HAL: variants seen among roughly 807,000 people sequenced by gnomAD.
HAL encodes histidase.
In HAL, 85 loss-of-function variants were observed where a neutral mutation model predicts 81.1. That is an observed-to-expected ratio of 1.05 (90% confidence interval 0.88 to 1.25). The LOEUF (loss-of-function observed/expected upper bound fraction) is 1.25. HAL is among the 50% of genes most tolerant of loss of function. The pLI, the probability that HAL is intolerant of heterozygous loss-of-function variation, is 0.00. For missense variants in HAL, 798 were observed against 836.6 expected, an observed-to-expected ratio of 0.95 and a Z score of 0.57; for synonymous variants, 301 against 309.2, an observed-to-expected ratio of 0.97 and a Z score of 0.28.
intron 18 of HAL, among the ~76,000 whole-genome samples, chr12:95,976,963 A>G (rs73214395): frequency 0.22 from 33,082 of 152,120 alleles, 4,066 homozygotes; most frequent in South Asian, 0.33. Context: ...ACACCTACCC[A>G]GGAAGCTGCC....
At chr12:95,980,335 T>A (rs1308101793) in intron 17 of HAL, among the ~76,000 whole-genome samples, 26 of 152,254 alleles carry the variant, frequency 1.7e-4, no homozygotes, top group Non-Finnish European at 2.9e-5. Flanking sequence ...CTTATTATTG[T>A]ATTATTATAT....
chr12:95,994,782 G>A lies in HAL; in HGVS notation c.336+16C>T, dbSNP rs747390955. On this transcript the variant is annotated intron_variant, in intron 4 of 20. Transcript: ENST00000261208. ...CCTTAATTTTCTGAAGAAAAAGAAA[G>A]TGGTTTGAAGCTTACCTTTTCAGGC... 6.2e-7 allele frequency: 1 copy of A among 1,612,650 alleles called. No individual in the cohort carries two copies. The highest frequency in any genetic ancestry group is 8.5e-7 in the Non-Finnish European group (1 of 1,178,642).
At chr12:95,995,307 G>A (rs1282907533) in intron 2 of HAL, 1 of 563,374 alleles carries the variant, frequency 1.8e-6, no homozygotes, top group Non-Finnish European at 3.2e-6. Context: ...GTCTGGGGGT[G>A]GGGGTGGATT....
intron 11 of HAL, among the ~76,000 whole-genome samples, chr12:95,987,658 G>T (rs527984227): frequency 6.6e-6 from 1 of 152,174 alleles, no homozygotes; most frequent in Non-Finnish European, 1.5e-5. Context: ...AACAGAACTC[G>T]ATTTGAAGTT....
intron 8 of HAL, 38 bp downstream of exon 8, chr12:95,993,413 C>G (rs200341132): frequency 6.1e-4 from 823 of 1,359,790 alleles, no homozygotes; most frequent in Non-Finnish European, 8.1e-4. Context: ...TTCATCTAAT[C>G]ACACAAGATC....
At chr12:95,976,858 T>C (rs1399188955) in intron 18 of HAL, 152 bp from the exon 19 acceptor site, 3 of 697,750 alleles carry the variant, frequency 4.3e-6, no homozygotes, top group Non-Finnish European at 7.9e-6. Context: ...TGGTATTTAG[T>C]TGCCATTTTA....
intron 15 of HAL, among the ~76,000 whole-genome samples, chr12:95,983,379 C>G (rs2080815971): frequency 2.0e-5 from 3 of 148,066 alleles, no homozygotes; most frequent in African/African-American, 2.6e-5. Flanking sequence ...CAGAGTGAGA[C>G]TCCGTCTAAA....
rs2080682826 is a variant in HAL at position 95,973,822 on chromosome 12, T to TTAAA, written c.*406_*409dup. 1 of 120,478 alleles carries TTAAA rather than the reference T, an allele frequency of 8.3e-6. No homozygotes were observed. Among genetic ancestry groups the TTAAA allele is most frequent in the Admixed American group, 7.2e-5 (1 of 13,828 alleles). The allele number at this position is 120,478 out of a possible 1,614,324, so 7.5% of individuals were successfully genotyped here. ...TGGTGGAGAGCTTGTTGAAGCAAAT[T>TTAAA]TAAAAAAAAAAAAAAAGGTTAACAA... On this transcript the variant is annotated 3_prime_UTR_variant, in exon 21 of 21. Transcript: ENST00000261208.
chr12:95,982,526 T>C (rs566130461), intron 15 of HAL, among the ~76,000 whole-genome samples: 6 of 152,234 alleles, frequency 3.9e-5, no homozygotes, highest in East Asian at 1.9e-4. Flanking sequence ...TAAGACTACA[T>C]AGAGTTCATA....
intron 9 of HAL, among the ~76,000 whole-genome samples, chr12:95,991,636 TAAA>T (rs1949971679): frequency 2.0e-5 from 3 of 152,210 alleles, no homozygotes; most frequent in Non-Finnish European, 4.4e-5. Context: ...TTCCAACTGT[TAAA>T]TAATGTCAGT....
At chr12:95,995,091 A>G (rs1363599518) in intron 2 of HAL, 98 bp from the exon 3 acceptor site, 1 of 909,786 alleles carries the variant, frequency 1.1e-6, no homozygotes, top group Non-Finnish European at 1.8e-6. Context: ...CATGAATTCT[A>G]TAGAAATGGC....
intron 2 of HAL, 150 bp downstream of exon 2, chr12:95,995,514 T>G (rs1950022760): frequency 1.0e-6 from 1 of 986,864 alleles, no homozygotes; most frequent in African/African-American, 1.6e-5. Context: ...GGACTTAAGA[T>G]CCCCAGAGGC....
At chr12:95,983,044 G>T (rs192919519) in intron 15 of HAL, among the ~76,000 whole-genome samples, 4 of 152,252 alleles carry the variant, frequency 2.6e-5, no homozygotes, top group Non-Finnish European at 4.4e-5. Context: ...CTATTTCTTT[G>T]AACAAACGCA....
intron 15 of HAL, among the ~76,000 whole-genome samples, chr12:95,982,611 T>C (rs2080807606): frequency 6.6e-6 from 1 of 152,220 alleles, no homozygotes; most frequent in African/African-American, 2.4e-5. Flanking sequence ...GAGGCTTATT[T>C]AGTGTGGGTT....
At position 95,977,958 on chromosome 12, in the gene HAL, T is replaced by C. The variant is rs1565985317; in HGVS notation, c.1640A>G (p.Glu547Gly). The change falls in exon 18 of 21, where the codon GAG (glutamate) becomes GGG (glycine). Residue 547 changes from glutamate to glycine, a missense_variant. Glu to Gly is a moderately conservative substitution (Grantham distance 98, BLOSUM62 -2). Coordinates refer to ENST00000261208, the MANE Select transcript of HAL (RefSeq NM_002108.4). ...WAARKALRVI[E>G]HVEQVLAIEL... Reference sequence around the variant, plus strand: ...ATCAGCATTACCTTGCTCCACATGCTCGATGACCCTGAGGGCTTTCCTTGC... The same window carrying C: ...ATCAGCATTACCTTGCTCCACATGCCCGATGACCCTGAGGGCTTTCCTTGC... The C allele has an allele frequency of 6.2e-7, 1 of 1,614,012 alleles. No homozygotes were observed. Among genetic ancestry groups the C allele is most frequent in the Non-Finnish European group, 8.5e-7 (1 of 1,180,018 alleles).
intron 17 of HAL, among the ~76,000 whole-genome samples, chr12:95,979,597 ATAAAG>A (rs2080766789): frequency 6.6e-6 from 1 of 152,210 alleles, no homozygotes. Context: ...GGGTTGTTAG[ATAAAG>A]TAAAGGATGC....
At chr12:95,992,906 C>A (rs1949989817) in intron 8 of HAL, 101 bp from the exon 9 acceptor site, 2 of 982,208 alleles carry the variant, frequency 2.0e-6, no homozygotes, top group Non-Finnish European at 3.2e-6. Flanking sequence ...TGTAGCCCAG[C>A]CTGCTATTAC....
Position 95,987,049 on chromosome 12 carries a change from AG to A in HAL, c.1051+17del, listed in dbSNP as rs1333723882. ...TCTGGTTGAATGAATAACAACCAAA[AG>A]GAAGAACCCTGCTGACCAGTGTCAA... On this transcript the variant is annotated intron_variant, in intron 12 of 20. Coordinates refer to ENST00000261208, the MANE Select transcript of HAL (RefSeq NM_002108.4). 2.4e-5 allele frequency: 39 copies of A among 1,608,082 alleles called. No individual in the cohort carries two copies. Among genetic ancestry groups the A allele is most frequent in the Non-Finnish European group, 3.2e-5 (38 of 1,175,372 alleles).
chr12:95,985,624 CA>C (rs56285140), intron 14 of HAL, among the ~76,000 whole-genome samples: 29,343 of 78,268 alleles, frequency 0.37, 2,756 homozygotes, highest in African/African-American at 0.43. Flanking sequence ...TTGTCTGTCT[CA>C]AAAAAAAAAA....
Sources: gnomAD v4.1 joint callset for allele counts (sites outside exome capture counted in the v4.1 genomes callset) on GRCh38, gnomAD v4.1.1 for gene constraint, MANE v1.5 for transcripts, NCBI Gene and HGNC (gene_info 2026-07-23, HGNC 2026-07-21) for gene names.